The following GALNT13 variants were observed in gnomAD, a reference collection of about 807,000 sequenced individuals.
GALNT13 encodes the protein UDP-GalNAc:polypeptide N-acetylgalactosaminyltransferase 13.
Under a neutral mutation model 64.2 loss-of-function variants are expected in GALNT13, and 28 were observed. The ratio of observed to expected loss-of-function variants is 0.44; its 90% CI spans 0.32 to 0.60. The LOEUF (loss-of-function observed/expected upper bound fraction) is 0.60. GALNT13 is among the 20% of genes least tolerant of loss of function. The pLI is 0.05. For missense variants in GALNT13, 577 were observed against 669.8 expected (o/e 0.86, Z 1.53); for synonymous variants, 214 against 224.6 (o/e 0.95, Z 0.42).
chr2:153,932,626 C>CTTTTTTTTTTTTTTTTTTTTTTTTTT (rs34617568), intron 2 of GALNT13, among the ~76,000 whole-genome samples: 1 of 95,652 alleles, frequency 1.0e-5, no homozygotes, highest in Non-Finnish European at 2.0e-5. Context: ...TTCTGTCTTT[C>CTTTTTTTTTTTTTTTTTTTTTTTTTT]TTTTTTTTTT....
intron 3 of GALNT13, among the ~76,000 whole-genome samples, chr2:153,955,497 A>G (rs1692501966): frequency 6.6e-6 from 1 of 152,206 alleles, no homozygotes; most frequent in African/African-American, 2.4e-5. Context: ...TGATAGGAGC[A>G]GAATCAGTCA....
At chr2:153,938,130 G>C (rs1691079882) in intron 2 of GALNT13, among the ~76,000 whole-genome samples, 1 of 152,170 alleles carries the variant, frequency 6.6e-6, no homozygotes, top group African/African-American at 2.4e-5. Flanking sequence ...ATGCAGAAGA[G>C]AAAAGTGCAT....
intron 4 of GALNT13, among the ~76,000 whole-genome samples, chr2:154,233,394 A>G (rs1689030400): frequency 6.6e-6 from 1 of 152,200 alleles, no homozygotes; most frequent in African/African-American, 2.4e-5. Flanking sequence ...TAGGCAATAT[A>G]TAATAGTCCT....
At chr2:153,873,812 C>T (rs1281968697) in intron 1 of GALNT13, among the ~76,000 whole-genome samples, 2 of 151,980 alleles carry the variant, frequency 1.3e-5, no homozygotes, top group Non-Finnish European at 2.9e-5. Flanking sequence ...GAGTCTCAGT[C>T]CGTCTCTCTC....
intron 9 of GALNT13, among the ~76,000 whole-genome samples, chr2:154,333,335 A>C (rs1048938571): frequency 6.6e-6 from 1 of 152,240 alleles, no homozygotes; most frequent in East Asian, 1.9e-4. Flanking sequence ...CATGTTTTAT[A>C]AAAGAAATAT....
In GALNT13 at chr2:153,987,006, G is replaced by T. The variant is rs552977786; in HGVS notation, c.142+42367G>T. On this transcript the variant is annotated intron_variant, in intron 3 of 12. Transcript: ENST00000392825. The stretch of plus-strand genomic sequence containing the variant: ...TTGGAGGGAAATAAGAGAAGCGTAA[G>T]AGCCAGTAAACAGGGTATCACAGTA... Among the ~76,000 whole-genome samples the T allele has an allele frequency of 1.6e-4, 25 of 152,024 alleles. 1 individual carries two copies. In the South Asian group the frequency reaches 3.9e-3, roughly 24 times the overall value.
At chr2:154,455,541 C>T (rs1254570650), downstream of GALNT13, among the ~76,000 whole-genome samples, 1 of 151,830 alleles carries the variant, frequency 6.6e-6, no homozygotes, top group Non-Finnish European at 1.5e-5. Context: ...TTCAGGATTC[C>T]GCCACTGCCC....
chr2:153,702,925 G>A, the GALNT13 span, among the ~76,000 whole-genome samples: 2 of 152,126 alleles, frequency 1.3e-5, no homozygotes, highest in East Asian at 3.9e-4. Context: ...TTAAGCCCTG[G>A]CACTTTCATA....
At chr2:153,669,970 A>T in the GALNT13 span, among the ~76,000 whole-genome samples, 6 of 105,872 alleles carry the variant, frequency 5.7e-5, no homozygotes, top group African/African-American at 1.8e-4. Context: ...GGGAGGGGGG[A>T]GGGGCATCTG....
chr2:154,191,347 A>C (rs150064884), intron 4 of GALNT13, among the ~76,000 whole-genome samples: 1 of 152,186 alleles, frequency 6.6e-6, no homozygotes, highest in African/African-American at 2.4e-5. Context: ...GTTTAGATGT[A>C]TTTAGACTTT....
At chr2:154,077,994 T>A (rs1701078125) in intron 3 of GALNT13, among the ~76,000 whole-genome samples, 1 of 151,570 alleles carries the variant, frequency 6.6e-6, no homozygotes, top group African/African-American at 2.4e-5. Context: ...TGTATCAGAT[T>A]AACAGCAGTT....
chr2:154,219,289 A>T (rs997149751), intron 4 of GALNT13, among the ~76,000 whole-genome samples: 1 of 152,024 alleles, frequency 6.6e-6, no homozygotes, highest in Admixed American at 6.6e-5. Flanking sequence ...GTTATTAGTG[A>T]TTACATTTTA....
At chr2:153,674,314 A>G in the GALNT13 span, among the ~76,000 whole-genome samples, 1 of 152,204 alleles carries the variant, frequency 6.6e-6, no homozygotes, top group Admixed American at 6.5e-5. Context: ...TGACAAGCCT[A>G]CAGTAACCAA....
chr2:153,710,565 A>G, the GALNT13 span, among the ~76,000 whole-genome samples: 1 of 152,074 alleles, frequency 6.6e-6, no homozygotes, highest in South Asian at 2.1e-4. Context: ...TTACCATCCA[A>G]ACTGTGTATA....
chr2:153,798,874 T>C, the GALNT13 span, among the ~76,000 whole-genome samples: 1 of 152,204 alleles, frequency 6.6e-6, no homozygotes, highest in Non-Finnish European at 1.5e-5. Context: ...CATTTCTATC[T>C]GCATAACATT....
chr2:153,393,429 C>G, the GALNT13 span, among the ~76,000 whole-genome samples: 5 of 152,074 alleles, frequency 3.3e-5, no homozygotes, highest in African/African-American at 1.2e-4. Context: ...TTCCTAAGAA[C>G]TTAGGTTATA....
the GALNT13 span, among the ~76,000 whole-genome samples, chr2:153,199,800 A>G: frequency 6.6e-6 from 1 of 152,242 alleles, no homozygotes; most frequent in African/African-American, 2.4e-5. Context: ...TTTCATTTAT[A>G]GGCATATCAA....
intron 4 of GALNT13, among the ~76,000 whole-genome samples, chr2:154,223,708 G>C (rs1486693977): frequency 1.3e-5 from 2 of 151,818 alleles, no homozygotes; most frequent in Non-Finnish European, 2.9e-5. Flanking sequence ...AAATCATTTG[G>C]AAATTATCTT....
the GALNT13 span, among the ~76,000 whole-genome samples, chr2:153,138,794 A>G: frequency 6.6e-6 from 1 of 152,070 alleles, no homozygotes. Context: ...CAATCTCTTG[A>G]CTACTGGCAA....
Sources: gnomAD v4.1 joint callset for allele counts (sites outside exome capture counted in the v4.1 genomes callset) on GRCh38, gnomAD v4.1.1 for gene constraint, MANE v1.5 for transcripts, NCBI Gene and HGNC (gene_info 2026-07-23, HGNC 2026-07-21) for gene names.